The following ANKRD30BL variants were observed in gnomAD, a reference collection of about 807,000 sequenced individuals.
ANKRD30BL encodes ankyrin repeat domain 30B like, also known as putative ankyrin repeat domain-containing protein 30B-like.
ANKRD30BL carries 20 observed loss-of-function variants against 18.4 expected under a neutral mutation model. The ratio of observed to expected loss-of-function variants is 1.09; its 90% confidence interval spans 0.77 to 1.58. The LOEUF is 1.58. Ranked by LOEUF, ANKRD30BL falls within the 40% of genes most tolerant of loss-of-function variation. The pLI, the probability that ANKRD30BL is intolerant of heterozygous loss-of-function variation, is 0.00. For missense variants in ANKRD30BL, 224 were observed against 268.6 expected (o/e 0.83, Z 1.16); for synonymous variants, 72 against 100.9 (o/e 0.71, Z 1.72).
chr2:132,254,152 G>A (rs547716620), intron 1 of ANKRD30BL, among the ~76,000 whole-genome samples: 27 of 151,426 alleles, frequency 1.8e-4, no homozygotes, highest in African/African-American at 6.1e-4. Flanking sequence ...CCCACGACAC[G>A]CACACACGGT....
chr2:132,249,849 C>T (rs1392796836), intron 1 of ANKRD30BL, among the ~76,000 whole-genome samples: 2 of 152,176 alleles, frequency 1.3e-5, no homozygotes, highest in Non-Finnish European at 2.9e-5. Flanking sequence ...AAACTGCTCA[C>T]AAATATCCCT....
intron 1 of ANKRD30BL, among the ~76,000 whole-genome samples, chr2:132,191,616 GTGGTT>G (rs1678851167): frequency 6.6e-6 from 1 of 151,898 alleles, no homozygotes; most frequent in Non-Finnish European, 1.5e-5. Context: ...CCATTCCCAG[GTGGTT>G]AATGATGCAT....
At chr2:132,209,527 T>C (rs893441762) in intron 1 of ANKRD30BL, among the ~76,000 whole-genome samples, 2 of 152,110 alleles carry the variant, frequency 1.3e-5, no homozygotes, top group Non-Finnish European at 2.9e-5. Context: ...ACATAAAAAC[T>C]ACACAAATGC....
chr2:132,195,788 C>CAAAA (rs1205804103), intron 1 of ANKRD30BL, among the ~76,000 whole-genome samples: 4 of 48,660 alleles, frequency 8.2e-5, no homozygotes, highest in African/African-American at 1.6e-4. Flanking sequence ...GAGCCTCTGC[C>CAAAA]AAAAAAAAAA....
chr2:132,213,905 G>A (rs1335673917), intron 1 of ANKRD30BL, among the ~76,000 whole-genome samples: 1 of 152,028 alleles, frequency 6.6e-6, no homozygotes, highest in African/African-American at 2.4e-5. Flanking sequence ...TTTTGATTAA[G>A]CAGCTTTGAA....
chr2:132,233,530 G>C (rs947129603), intron 1 of ANKRD30BL, among the ~76,000 whole-genome samples: 3 of 146,748 alleles, frequency 2.0e-5, no homozygotes, highest in African/African-American at 7.6e-5. Flanking sequence ...GGCAGGGGTT[G>C]CAATCCTAGT....
Position 132,248,454 on chromosome 2 carries a change from C to T in ANKRD30BL, n.441+9075G>A, listed in dbSNP as rs578180948. ...TTTTATGTGAAGATATTTCCTTTTTCACCATACCTATCAAAGCGCTCAAAA... is the reference window on the plus strand; with the variant it reads ...TTTTATGTGAAGATATTTCCTTTTTTACCATACCTATCAAAGCGCTCAAAA... On this transcript the variant is annotated intron_variant and non_coding_transcript_variant, in intron 1 of 4. Transcript: ENST00000470729. 2.2e-3 allele frequency among the ~76,000 whole-genome samples: 338 copies of T among 152,164 alleles called. 1 individual carries two copies. The highest frequency in any genetic ancestry group is 7.3e-3 in the African/African-American group (303 of 41,544).
intron 1 of ANKRD30BL, among the ~76,000 whole-genome samples, chr2:132,187,188 GT>G (rs1193358076): frequency 0.058 from 5,208 of 90,570 alleles, 235 homozygotes; most frequent in African/African-American, 0.19. Flanking sequence ...TTTTTTGTTT[GT>G]TTTTTTTTTT....
At position 132,157,307 on chromosome 2, in the gene ANKRD30BL, A is replaced by G; in HGVS notation, c.333+2T>C. 1 of 770,690 alleles carries G rather than the reference A, an allele frequency of 1.3e-6. No individual in the cohort carries two copies. Among genetic ancestry groups the G allele is most frequent in the Non-Finnish European group, 2.3e-6 (1 of 435,792 alleles). The allele number at this position is 770,690 out of a possible 1,614,324, so 47.7% of individuals were successfully genotyped here. A position where few individuals can be genotyped will look rare whatever the true frequency, so the allele number is the denominator to read the frequency against. On this transcript the variant is annotated splice_donor_variant, in intron 2 of 5. Transcript: ENST00000409867. LOFTEE classifies it high-confidence loss of function. ...CTGCTGAAAGAACTGGCTACCATTT[A>G]CCTTCATCAGAATGGTCCTGTTTTC...
chr2:132,160,400 C>CTTTT, intron 1 of ANKRD30BL, among the ~76,000 whole-genome samples: 1 of 106,492 alleles, frequency 9.4e-6, no homozygotes, highest in African/African-American at 5.2e-5. Flanking sequence ...GACGCCTGGC[C>CTTTT]CTTTTTTTTT....
intron 1 of ANKRD30BL, among the ~76,000 whole-genome samples, chr2:132,253,732 C>T (rs74419376): frequency 2.0e-5 from 3 of 149,204 alleles, no homozygotes; most frequent in Non-Finnish European, 4.5e-5. Context: ...ACAGGCAGAC[C>T]GGCGACCCCT....
intron 1 of ANKRD30BL, among the ~76,000 whole-genome samples, chr2:132,209,366 C>T (rs1405731718): frequency 1.3e-5 from 2 of 152,108 alleles, no homozygotes; most frequent in Non-Finnish European, 2.9e-5. Context: ...TAGACAGAAG[C>T]ATTCTGAGAA....
At chr2:132,159,437 C>G (rs1359952021) in intron 1 of ANKRD30BL, among the ~76,000 whole-genome samples, 4 of 152,054 alleles carry the variant, frequency 2.6e-5, no homozygotes, top group Non-Finnish European at 5.9e-5. Context: ...TATTTGATTC[C>G]TTTTTTAACT....
At chr2:132,233,849 A>G (rs1680083127) in intron 1 of ANKRD30BL, among the ~76,000 whole-genome samples, 1 of 151,770 alleles carries the variant, frequency 6.6e-6, no homozygotes, top group South Asian at 2.1e-4. Flanking sequence ...ATAGACATCT[A>G]CAGAACTCTC....
At chr2:132,158,278 A>C (rs1009318347) in intron 1 of ANKRD30BL, among the ~76,000 whole-genome samples, 2 of 152,118 alleles carry the variant, frequency 1.3e-5, no homozygotes, top group African/African-American at 2.4e-5. Flanking sequence ...CAAGCCAAAG[A>C]AAACTTGGGA....
intron 1 of ANKRD30BL, among the ~76,000 whole-genome samples, chr2:132,158,412 C>A (rs1687969516): frequency 6.6e-6 from 1 of 151,782 alleles, no homozygotes. Flanking sequence ...CTATTTAAAG[C>A]TGTTATAAAT....
At chr2:132,220,633 C>G (rs1362863112) in intron 1 of ANKRD30BL, among the ~76,000 whole-genome samples, 1 of 152,114 alleles carries the variant, frequency 6.6e-6, no homozygotes, top group Non-Finnish European at 1.5e-5. Context: ...CCCGAGGTGC[C>G]GGGATTGCAG....
At chr2:132,217,683 C>G (rs1385366302) in intron 1 of ANKRD30BL, among the ~76,000 whole-genome samples, 1 of 152,276 alleles carries the variant, frequency 6.6e-6, no homozygotes, top group African/African-American at 2.4e-5. Flanking sequence ...TTGAACCTTT[C>G]TTTTTATAGA....
chr2:132,198,309 TTTCTTTCTTTCTTTC>T (rs1279223892), intron 1 of ANKRD30BL, among the ~76,000 whole-genome samples: 14,320 of 36,212 alleles, frequency 0.4, 1,992 homozygotes, highest in Non-Finnish European at 0.47. Context: ...TCTTTCTTTC[TTTCTTTCTTTCTTTC>T]TTTTTTTTTT....
Sources: gnomAD v4.1 joint callset for allele counts (sites outside exome capture counted in the v4.1 genomes callset) on GRCh38, gnomAD v4.1.1 for gene constraint, MANE v1.5 for transcripts, NCBI Gene and HGNC (gene_info 2026-07-23, HGNC 2026-07-21) for gene names.